The following CEP41 variants were observed in gnomAD, a reference collection of about 807,000 sequenced individuals.
CEP41 encodes the protein centrosomal protein of 41 kDa.
Under a neutral mutation model 44.3 loss-of-function variants are expected in CEP41, and 32 were observed. That is an observed-to-expected ratio of 0.72 (90% CI 0.54 to 0.97). The LOEUF (loss-of-function observed/expected upper bound fraction) is 0.97, where lower values mean the gene tolerates loss of function less well. Ranked by LOEUF, CEP41 falls within the 50% of genes least tolerant of loss-of-function variation. The pLI, the probability that CEP41 is intolerant of heterozygous loss-of-function variation, is 0.00. For missense variants in CEP41, 432 were observed against 455.2 expected (o/e 0.95, Z 0.46); for synonymous variants, 151 against 168.5 (o/e 0.90, Z 0.80).
In CEP41 at chr7:130,397,782, T is replaced by C; in HGVS notation, c.*1109A>G. 2.2e-6 allele frequency: 1 copy of C among 446,504 alleles called. No homozygotes were observed. The highest frequency in any genetic ancestry group is 4.5e-6 in the Non-Finnish European group (1 of 221,036). The allele number at this position is 446,504 out of a possible 1,614,324, so 27.7% of individuals were successfully genotyped here. A position where few individuals can be genotyped will look rare whatever the true frequency, so the allele number is the denominator to read the frequency against. On this transcript the variant is annotated 3_prime_UTR_variant, in exon 11 of 11. Coordinates refer to ENST00000223208, the MANE Select transcript of CEP41 (RefSeq NM_018718.3). The stretch of plus-strand genomic sequence containing the variant: ...CCCAATTAAATGGAATGAATGTCAG[T>C]CATTTAGCAATTCAATTAATGCTGA...
chr7:130,434,000 T>C (rs1554425669), intron 1 of CEP41, among the ~76,000 whole-genome samples: 2 of 152,196 alleles, frequency 1.3e-5, no homozygotes, highest in Non-Finnish European at 2.9e-5. Flanking sequence ...AAAGACTTCA[T>C]GGAAGAATGG....
intron 2 of CEP41, chr7:130,419,115 G>A: frequency 3.0e-6 from 3 of 985,338 alleles, no homozygotes; most frequent in Non-Finnish European, 3.6e-6. Context: ...CAGGGAGGTA[G>A]GCCATCATGC....
chr7:130,424,439 T>G (rs1797601340), intron 2 of CEP41, among the ~76,000 whole-genome samples: 1 of 150,952 alleles, frequency 6.6e-6, no homozygotes. Flanking sequence ...GCATAGTCAG[T>G]TTAACCAATT....
At chr7:130,440,696 C>T (rs1357021303) in intron 1 of CEP41, 4 of 606,548 alleles carry the variant, frequency 6.6e-6, no homozygotes, top group Non-Finnish European at 1.2e-5. Flanking sequence ...TCGCTCCTCG[C>T]AGTCACAAGT....
chr7:130,437,655 C>G (rs1359434862), intron 1 of CEP41, among the ~76,000 whole-genome samples: 1 of 150,774 alleles, frequency 6.6e-6, no homozygotes, highest in Non-Finnish European at 1.5e-5. Context: ...CACCTGTGGT[C>G]CCAGCTACTC....
chr7:130,405,377 A>C (rs1378802739), intron 5 of CEP41, among the ~76,000 whole-genome samples: 1 of 152,232 alleles, frequency 6.6e-6, no homozygotes, highest in Non-Finnish European at 1.5e-5. Flanking sequence ...TATTTGGCAG[A>C]CATTTTCTCA....
intron 2 of CEP41, chr7:130,421,924 G>A: frequency 6.5e-7 from 1 of 1,534,414 alleles, no homozygotes; most frequent in South Asian, 1.2e-5. Context: ...TGAACAAAAC[G>A]CAGCCAGGGA....
chr7:130,395,477 A>G lies in CEP41; in HGVS notation c.*3414T>C. 3 of 454,142 alleles carry G rather than the reference A, an allele frequency of 6.6e-6. No individual in the cohort carries two copies. The highest frequency in any genetic ancestry group is 8.8e-6 in the Non-Finnish European group (2 of 226,786). 28.1% of individuals were successfully genotyped at this position (454,142 alleles called of 1,614,324 possible). A position where few individuals can be genotyped will look rare whatever the true frequency, so the allele number is the denominator to read the frequency against. On this transcript the variant is annotated 3_prime_UTR_variant, in exon 11 of 11. Coordinates refer to ENST00000223208, the MANE Select transcript of CEP41 (RefSeq NM_018718.3). ...GGAGAAAGAAAGGTTCTTACTGATT[A>G]TCTTCAGAGTAGAGCAAGAAGGTGG...
At chr7:130,418,030 A>G (rs1008664206) in intron 2 of CEP41, among the ~76,000 whole-genome samples, 14 of 152,222 alleles carry the variant, frequency 9.2e-5, no homozygotes, top group African/African-American at 3.4e-4. Context: ...AACTTATTTC[A>G]TTGGCTATTA....
chr7:130,403,043 C>T (rs188115379), intron 6 of CEP41, among the ~76,000 whole-genome samples: 20 of 152,240 alleles, frequency 1.3e-4, no homozygotes, highest in Non-Finnish European at 2.6e-4. Flanking sequence ...TCAGACAATG[C>T]GTGTCAGTGC....
intron 2 of CEP41, among the ~76,000 whole-genome samples, chr7:130,424,640 G>C (rs1453236687): frequency 6.6e-6 from 1 of 152,014 alleles, no homozygotes; most frequent in Non-Finnish European, 1.5e-5. Context: ...AATGGCACCA[G>C]ACCAATTGAA....
Position 130,397,454 on chromosome 7 carries a change from T to C in CEP41, c.*1437A>G, listed in dbSNP as rs1554415182. 1 of 438,600 alleles carries C rather than the reference T, an allele frequency of 2.3e-6. No homozygotes were observed. Among genetic ancestry groups the C allele is most frequent in the African/African-American group, 2.0e-5 (1 of 48,896 alleles). The allele number at this position is 438,600 out of a possible 1,614,324, so 27.2% of individuals were successfully genotyped here. On this transcript the variant is annotated 3_prime_UTR_variant, in exon 11 of 11. Coordinates refer to ENST00000223208, the MANE Select transcript of CEP41 (RefSeq NM_018718.3). Reference sequence around the variant, plus strand: ...CCATATGTCTCTATGAGATATTTATTACGTTTATTTCTCATACAAACACAG... The same window carrying C: ...CCATATGTCTCTATGAGATATTTATCACGTTTATTTCTCATACAAACACAG...
intron 1 of CEP41, among the ~76,000 whole-genome samples, chr7:130,430,995 G>A (rs564519636): frequency 3.4e-4 from 52 of 152,064 alleles, no homozygotes; most frequent in African/African-American, 1.2e-3. Flanking sequence ...AGCCCTTCCC[G>A]CCCCCGGTTT....
chr7:130,402,523 A>G, intron 7 of CEP41, 125 bp downstream of exon 7: 1 of 1,048,080 alleles, frequency 9.5e-7, no homozygotes, highest in Non-Finnish European at 1.5e-6. Flanking sequence ...GGATTCCATA[A>G]TGGATCCAGC....
intron 6 of CEP41, among the ~76,000 whole-genome samples, chr7:130,403,605 A>G (rs1233633323): frequency 6.6e-6 from 1 of 152,236 alleles, no homozygotes; most frequent in African/African-American, 2.4e-5. Context: ...TTACTTTCTT[A>G]GGAAATATTA....
At chr7:130,417,086 T>C in intron 2 of CEP41, 120 bp from the exon 3 acceptor site, 1 of 1,392,338 alleles carries the variant, frequency 7.2e-7, no homozygotes, top group Non-Finnish European at 9.9e-7. Flanking sequence ...TAGGGGATTC[T>C]GGACAGCAGC....
At chr7:130,419,926 A>G in intron 2 of CEP41, 1 of 985,300 alleles carries the variant, frequency 1.0e-6, no homozygotes, top group Non-Finnish European at 1.2e-6. Context: ...CTAGACAGAA[A>G]GCCAAGGACT....
chr7:130,426,501 C>T (rs1584899425), intron 2 of CEP41: 1 of 309,940 alleles, frequency 3.2e-6, no homozygotes, highest in East Asian at 1.2e-4. Flanking sequence ...AAATAAACCT[C>T]AGCTCTTAAA....
In CEP41 at chr7:130,398,600, C is replaced by T. The variant is rs782412888; in HGVS notation, c.*291G>A. The T allele has an allele frequency of 8.9e-5, 51 of 574,662 alleles. No individual in the cohort carries two copies. Among genetic ancestry groups the T allele is most frequent in the South Asian group, 2.9e-4 (19 of 65,948 alleles). The allele number at this position is 574,662 out of a possible 1,614,324, so 35.6% of individuals were successfully genotyped here. A position where few individuals can be genotyped will look rare whatever the true frequency, so the allele number is the denominator to read the frequency against. On this transcript the variant is annotated 3_prime_UTR_variant, in exon 11 of 11. Transcript: ENST00000223208. ...AAAAACAAAACAAAAAAACTAAAAA[C>T]GTAGATACTTTTTTCCTATACAGTT...
Sources: allele counts gnomAD v4.1 joint callset (sites outside exome capture counted in the v4.1 genomes callset), GRCh38; gene constraint gnomAD v4.1.1; transcripts MANE v1.5; gene names NCBI Gene and HGNC (gene_info 2026-07-23, HGNC 2026-07-21).